CDH18: variants seen among roughly 807,000 people sequenced by gnomAD.
The protein encoded by CDH18 is cadherin-18.
In CDH18, 31 loss-of-function variants were observed where a neutral mutation model predicts 67.9. That is an observed-to-expected ratio of 0.46 (90% confidence interval 0.34 to 0.62). The LOEUF is 0.62. CDH18 is among the 20% of genes least tolerant of loss of function. CDH18 has a pLI of 0.01. For missense variants in CDH18, 890 were observed against 975.5 expected, an observed-to-expected ratio of 0.91 and a Z score of 1.17; for synonymous variants, 362 against 347.2, an observed-to-expected ratio of 1.04 and a Z score of -0.48.
intron 1 of CDH18, among the ~76,000 whole-genome samples, chr5:20,447,301 G>A (rs1050155879): frequency 1.3e-5 from 2 of 151,618 alleles, no homozygotes; most frequent in African/African-American, 4.8e-5. Flanking sequence ...CCAATGTGAT[G>A]TTATTAAGAG....
At chr5:19,665,192 A>G (rs1757740330) in intron 5 of CDH18, among the ~76,000 whole-genome samples, 1 of 152,184 alleles carries the variant, frequency 6.6e-6, no homozygotes, top group East Asian at 1.9e-4. Flanking sequence ...ACTACATTAT[A>G]AAATTAAATA....
chr5:20,153,814 T>C (rs191527963), intron 2 of CDH18, among the ~76,000 whole-genome samples: 72 of 152,310 alleles, frequency 4.7e-4, no homozygotes, highest in African/African-American at 1.6e-3. Flanking sequence ...GGCTCTACCA[T>C]GATGACCTTA....
At chr5:20,057,882 T>C (rs1708193483) in intron 2 of CDH18, among the ~76,000 whole-genome samples, 1 of 152,168 alleles carries the variant, frequency 6.6e-6, no homozygotes, top group African/African-American at 2.4e-5. Context: ...AAAATGTGTG[T>C]GCAATAACTT....
chr5:19,487,268 A>G (rs1006851357), intron 11 of CDH18, among the ~76,000 whole-genome samples: 4 of 152,214 alleles, frequency 2.6e-5, no homozygotes, highest in African/African-American at 9.6e-5. Flanking sequence ...ATATAGACAT[A>G]TAGCCATAAG....
intron 2 of CDH18, among the ~76,000 whole-genome samples, chr5:20,248,073 C>A (rs1241813561): frequency 6.6e-6 from 1 of 152,072 alleles, no homozygotes; most frequent in East Asian, 1.9e-4. Context: ...CACTAGTTTT[C>A]CATTAATTTA....
chr5:20,397,886 G>T (rs1438952691), intron 1 of CDH18, among the ~76,000 whole-genome samples: 1 of 152,052 alleles, frequency 6.6e-6, no homozygotes, highest in Admixed American at 6.5e-5. Flanking sequence ...TTTCAACAAA[G>T]TGAAATGTAA....
chr5:20,362,994 C>G (rs1742205865), intron 1 of CDH18, among the ~76,000 whole-genome samples: 1 of 152,132 alleles, frequency 6.6e-6, no homozygotes, highest in Non-Finnish European at 1.5e-5. Flanking sequence ...GGAAGCTTTG[C>G]TTTTTATTCT....
At chr5:19,719,903 G>GAGAA (rs35867851) in intron 5 of CDH18, among the ~76,000 whole-genome samples, 19,815 of 130,690 alleles carry the variant, frequency 0.15, 1,609 homozygotes, top group African/African-American at 0.21. Flanking sequence ...AGTTAAGCAA[G>GAGAA]AGAAAGAAAG....
At chr5:19,847,726 A>C (rs900318219) in intron 2 of CDH18, among the ~76,000 whole-genome samples, 6 of 152,080 alleles carry the variant, frequency 3.9e-5, no homozygotes, top group Non-Finnish European at 7.4e-5. Flanking sequence ...TTTCCTACAG[A>C]GAAAGACTTT....
intron 7 of CDH18, among the ~76,000 whole-genome samples, chr5:19,590,100 C>T (rs962350052): frequency 3.9e-5 from 6 of 152,054 alleles, no homozygotes; most frequent in African/African-American, 1.2e-4. Context: ...CCAGACTTAT[C>T]CTTCTTATTC....
intron 1 of CDH18, among the ~76,000 whole-genome samples, chr5:20,322,291 T>A (rs1354043581): frequency 6.6e-6 from 1 of 152,108 alleles, no homozygotes; most frequent in Non-Finnish European, 1.5e-5. Flanking sequence ...TGATATTAAT[T>A]ATTATTATAA....
At chr5:19,600,369 A>G (rs1437488354) in intron 6 of CDH18, among the ~76,000 whole-genome samples, 1 of 151,842 alleles carries the variant, frequency 6.6e-6, no homozygotes, top group Non-Finnish European at 1.5e-5. Flanking sequence ...AAAAATAAAA[A>G]TAAATAAGCC....
At chr5:20,501,347 CTAAA>C (rs1455268581) in intron 1 of CDH18, among the ~76,000 whole-genome samples, 1 of 149,084 alleles carries the variant, frequency 6.7e-6, no homozygotes, top group African/African-American at 2.5e-5. Flanking sequence ...TTCTATACAG[CTAAA>C]TAATCAACTA....
intron 5 of CDH18, among the ~76,000 whole-genome samples, chr5:19,703,187 C>T (rs1036036361): frequency 1.3e-5 from 2 of 152,128 alleles, no homozygotes; most frequent in African/African-American, 4.8e-5. Context: ...CTGAGCTGGT[C>T]TCGGCAAGTG....
chr5:19,620,975 C>G (rs1309609929), intron 5 of CDH18, among the ~76,000 whole-genome samples: 1 of 152,022 alleles, frequency 6.6e-6, no homozygotes, highest in African/African-American at 2.4e-5. Context: ...ATAATAAACC[C>G]ATTACAGAGC....
intron 5 of CDH18, among the ~76,000 whole-genome samples, chr5:19,626,180 A>T (rs546001447): frequency 6.6e-6 from 1 of 152,150 alleles, no homozygotes; most frequent in Non-Finnish European, 1.5e-5. Flanking sequence ...AAGCGACAAC[A>T]CTAAAGCAAA....
chr5:20,140,488 A>T (rs1191305429), intron 2 of CDH18, among the ~76,000 whole-genome samples: 1 of 152,062 alleles, frequency 6.6e-6, no homozygotes, highest in African/African-American at 2.4e-5. Context: ...AAAATATAAA[A>T]AAAGAAATTC....
chr5:20,116,372 C>T (rs1471627806), intron 2 of CDH18, among the ~76,000 whole-genome samples: 1 of 151,880 alleles, frequency 6.6e-6, no homozygotes, highest in Non-Finnish European at 1.5e-5. Flanking sequence ...AAAAATGTAG[C>T]CAGGCGTGGT....
At chr5:19,580,033 T>G (rs2149979124) in intron 7 of CDH18, among the ~76,000 whole-genome samples, 1 of 152,062 alleles carries the variant, frequency 6.6e-6, no homozygotes, top group East Asian at 1.9e-4. Context: ...ATTTTATTTT[T>G]AATGACACAA....
Sources: allele counts gnomAD v4.1 joint callset (sites outside exome capture counted in the v4.1 genomes callset), GRCh38; gene constraint gnomAD v4.1.1; transcripts MANE v1.5; gene names NCBI Gene and HGNC (gene_info 2026-07-23, HGNC 2026-07-21).